Variants in CAMTA1 observed in about 807,000 individuals in gnomAD.
CAMTA1 encodes calmodulin-binding transcription activator 1.
CAMTA1 carries 27 observed loss-of-function variants against 170.9 expected under a neutral mutation model. The ratio of observed to expected loss-of-function variants is 0.16; its 90% confidence interval spans 0.12 to 0.22. The LOEUF (loss-of-function observed/expected upper bound fraction) is 0.22, where lower values mean the gene tolerates loss of function less well. Among genes scored for constraint, CAMTA1 ranks in the 10% least tolerant of loss-of-function variants. The probability of loss-of-function intolerance (pLI) is 1.00; values close to 1 mark genes in which losing one functional copy is unlikely to be tolerated. For synonymous variants in CAMTA1, 833 were observed against 891.5 expected, an observed-to-expected ratio of 0.93 and a Z score of 1.17; for missense variants, 1,619 against 2,217.2, an observed-to-expected ratio of 0.73 and a Z score of 5.42.
At chr1:7,659,874 C>T (rs952450581) in intron 7 of CAMTA1, among the ~76,000 whole-genome samples, 1 of 152,212 alleles carries the variant, frequency 6.6e-6, no homozygotes, top group African/African-American at 2.4e-5. Flanking sequence ...GCCAGTTCTC[C>T]AGGCAGGAAC....
In CAMTA1 at chr1:7,736,824, T is replaced by G. The variant is rs2096776194; in HGVS notation, c.3264-107T>G. ...GGACTCTGTTTCTTCACCATGGGGA[T>G]GTTATATACCCAGTTGGGTTTCATC... is the stretch of plus-strand genomic sequence containing the variant. On this transcript the variant is annotated intron_variant, in intron 13 of 22. Coordinates refer to ENST00000303635, the MANE Select transcript of CAMTA1 (RefSeq NM_015215.4). This position sits in a 1 kb window ranked among gnomAD's most constrained non-coding sequence, Gnocchi z 4.5. 6 of 894,418 alleles carry G rather than the reference T, an allele frequency of 6.7e-6. No homozygotes were observed. Among genetic ancestry groups the G allele is most frequent in the Non-Finnish European group, 9.0e-6 (5 of 556,896 alleles). 55.4% of individuals were successfully genotyped at this position (894,418 alleles called of 1,614,324 possible). A position where few individuals can be genotyped will look rare whatever the true frequency, so the allele number is the denominator to read the frequency against.
At chr1:7,154,916 G>A (rs745445765) in intron 4 of CAMTA1, among the ~76,000 whole-genome samples, 3 of 152,208 alleles carry the variant, frequency 2.0e-5, no homozygotes, top group Non-Finnish European at 4.4e-5. Context: ...CACTCCAGCC[G>A]GGCTTGTGGG....
At chr1:7,700,269 T>C (rs1558156457) in intron 11 of CAMTA1, among the ~76,000 whole-genome samples, 1 of 152,202 alleles carries the variant, frequency 6.6e-6, no homozygotes, top group Non-Finnish European at 1.5e-5. Context: ...CTAGCCCCAT[T>C]TGTTGAAGAC....
At chr1:7,132,924 A>G (rs2148551395) in intron 4 of CAMTA1, among the ~76,000 whole-genome samples, 1 of 152,276 alleles carries the variant, frequency 6.6e-6, no homozygotes, top group East Asian at 1.9e-4. Flanking sequence ...TTGATTTTCA[A>G]ATGTTAAACC....
rs1685032545 is a variant in CAMTA1, at chr1:6,934,800, A to G, written c.234+109590A>G. 1.3e-5 allele frequency among the ~76,000 whole-genome samples: 2 copies of G among 152,090 alleles called. No homozygotes were observed. Among genetic ancestry groups the G allele is most frequent in the Non-Finnish European group, 2.9e-5 (2 of 68,008 alleles). ...AGGAAGGCAGGGCTCTGAGGATGCT[A>G]TGATGTGCCATTTCTTTGGGCTTTT... On this transcript the variant is annotated intron_variant, in intron 3 of 22. Coordinates refer to ENST00000303635, the MANE Select transcript of CAMTA1 (RefSeq NM_015215.4). This position sits in a 1 kb window ranked among gnomAD's most constrained non-coding sequence, Gnocchi z 4.5.
At chr1:6,871,664 A>T (rs1408163381) in intron 3 of CAMTA1, 1 of 1,082,328 alleles carries the variant, frequency 9.2e-7, no homozygotes, top group East Asian at 2.7e-5. Context: ...ATCAGGAATG[A>T]TGGGGTTCAG....
chr1:7,277,877 G>T (rs1670976370), intron 5 of CAMTA1, among the ~76,000 whole-genome samples: 1 of 151,708 alleles, frequency 6.6e-6, no homozygotes, highest in African/African-American at 2.4e-5. Flanking sequence ...ATGACTCTGT[G>T]TGATATCATA....
chr1:7,585,395 G>A lies in CAMTA1; in HGVS notation c.511-55005G>A, dbSNP rs1440914397. Among the ~76,000 whole-genome samples, 1 of 152,158 alleles carries A rather than the reference G, an allele frequency of 6.6e-6. No individual in the cohort carries two copies. The highest frequency in any genetic ancestry group is 1.5e-5 in the Non-Finnish European group (1 of 68,032). ...TCTAGGGAATGGCAGTCCTAACAGA[G>A]GGAAGAGTATGTGCAAAGGCCCTGG... On this transcript the variant is annotated intron_variant, in intron 6 of 22. Transcript: ENST00000303635. This position sits in a 1 kb window ranked among gnomAD's most constrained non-coding sequence, Gnocchi z 4.8.
rs377113716 is a variant in CAMTA1 at position 6,928,125 on chromosome 1, C to T, written c.234+102915C>T. ...CTGGAAGGGGCATCTTCTTTGTGGC[C>T]GAGGGAGAACTCGGTGATCTGAATC... is the stretch of plus-strand genomic sequence containing the variant. On this transcript the variant is annotated intron_variant, in intron 3 of 22. Coordinates refer to ENST00000303635, the MANE Select transcript of CAMTA1 (RefSeq NM_015215.4). Among the ~76,000 whole-genome samples, 31 of 152,276 alleles carry T rather than the reference C, an allele frequency of 2.0e-4. No homozygotes were observed. In the South Asian group the frequency reaches 5.2e-3, roughly 25 times the overall value.
chr1:6,884,320 AC>A (rs1672531493), intron 3 of CAMTA1, among the ~76,000 whole-genome samples: 1 of 149,014 alleles, frequency 6.7e-6, no homozygotes, highest in African/African-American at 2.4e-5. Flanking sequence ...ACACACACAC[AC>A]ACACACACAC....
chr1:7,102,055 CACACACACACACACAG>C (rs1276858942), intron 4 of CAMTA1, among the ~76,000 whole-genome samples: 2 of 86,790 alleles, frequency 2.3e-5, no homozygotes, highest in African/African-American at 8.3e-5. Context: ...CACACACACA[CACACACACACACACAG>C]CTTCCTGTAT....
intron 6 of CAMTA1, among the ~76,000 whole-genome samples, chr1:7,525,414 C>T (rs1019362273): frequency 4.6e-5 from 7 of 152,102 alleles, no homozygotes; most frequent in Admixed American, 6.5e-5. Flanking sequence ...TCTCCACATC[C>T]GCAGGATGGT....
At chr1:7,587,410 C>A (rs1399537101) in intron 6 of CAMTA1, among the ~76,000 whole-genome samples, 1 of 152,120 alleles carries the variant, frequency 6.6e-6, no homozygotes, top group Non-Finnish European at 1.5e-5. Flanking sequence ...GTGGGGCCTG[C>A]GTCTGCGGTG....
intron 4 of CAMTA1, among the ~76,000 whole-genome samples, chr1:7,100,927 C>T (rs1015739040): frequency 1.1e-4 from 16 of 152,316 alleles, no homozygotes; most frequent in East Asian, 3.9e-4. Flanking sequence ...GCAGAGGCTT[C>T]GTGCCAGGGT....
chr1:7,761,726 T>C (rs2096977605), intron 22 of CAMTA1, among the ~76,000 whole-genome samples: 1 of 152,238 alleles, frequency 6.6e-6, no homozygotes, highest in East Asian at 1.9e-4. Flanking sequence ...GTTCAGTCCA[T>C]TGATTTTGGT....
chr1:7,345,337 G>A (rs182969186), intron 5 of CAMTA1, among the ~76,000 whole-genome samples: 1 of 152,272 alleles, frequency 6.6e-6, no homozygotes, highest in East Asian at 1.9e-4. Flanking sequence ...TTTCCTAAAA[G>A]CTTTAAAGTT....
At chr1:7,124,285 C>T (rs948860041) in intron 4 of CAMTA1, among the ~76,000 whole-genome samples, 5 of 152,290 alleles carry the variant, frequency 3.3e-5, no homozygotes, top group South Asian at 2.1e-4. Context: ...TCCCCTGTTG[C>T]GTTCCCACCG....
chr1:6,872,538 C>CA (rs1668698907), intron 3 of CAMTA1, among the ~76,000 whole-genome samples: 1 of 152,052 alleles, frequency 6.6e-6, no homozygotes, highest in East Asian at 1.9e-4. Flanking sequence ...TTAACATGAC[C>CA]AAAAAATGTA....
In CAMTA1 at chr1:7,738,607, C is replaced by A; in HGVS notation, c.4182+125C>A. 9.7e-7 allele frequency: 1 copy of A among 1,033,772 alleles called. No homozygotes were observed. The highest frequency in any genetic ancestry group is 1.4e-6 in the Non-Finnish European group (1 of 728,064). 64.0% of individuals were successfully genotyped at this position (1,033,772 alleles called of 1,614,324 possible). ...TGAAGCCTTCGAAGTTGGCTTTGTG[C>A]AGAACATCGTTGGAGTATCTTCTTT... On this transcript the variant is annotated intron_variant, in intron 16 of 22. Transcript: ENST00000303635. This position sits in a 1 kb window ranked among gnomAD's most constrained non-coding sequence, Gnocchi z 4.9.
Sources: gnomAD v4.1 joint callset for allele counts (sites outside exome capture counted in the v4.1 genomes callset) on GRCh38, gnomAD v4.1.1 for gene constraint, Gnocchi (gnomAD v3.1) non-coding constraint, MANE v1.5 for transcripts, NCBI Gene and HGNC (gene_info 2026-07-23, HGNC 2026-07-21) for gene names.